KLRD1: variants seen among roughly 807,000 people sequenced by gnomAD.
KLRD1 encodes natural killer cells antigen CD94.
Under a neutral mutation model 22.6 loss-of-function variants are expected in KLRD1, and 21 were observed. The observed-to-expected ratio is 0.93, with a 90% confidence interval of 0.66 to 1.34. KLRD1 has a LOEUF of 1.34. Among genes scored for constraint, KLRD1 ranks in the 40% most tolerant of loss-of-function variants. The probability of loss-of-function intolerance (pLI) is 0.00; values close to 1 mark genes in which losing one functional copy is unlikely to be tolerated. For synonymous variants in KLRD1, 59 were observed against 71.1 expected, an observed-to-expected ratio of 0.83 and a Z score of 0.85; for missense variants, 183 against 208.6, an observed-to-expected ratio of 0.88 and a Z score of 0.76.
chr12:10,309,518 CTG>C, intron 2 of KLRD1, 38 bp downstream of exon 2: 1 of 1,311,014 alleles, frequency 7.6e-7, no homozygotes, highest in Non-Finnish European at 1.1e-6. Flanking sequence ...AAAATCAAAA[CTG>C]TGAAGACATC....
upstream of KLRD1, among the ~76,000 whole-genome samples, chr12:10,303,911 A>G (rs1021867197): frequency 6.6e-6 from 1 of 152,200 alleles, no homozygotes; most frequent in African/African-American, 2.4e-5. Context: ...AAGTAAAACA[A>G]AGGTTCCTAG....
chr12:10,300,221 G>A (rs979208220), upstream of KLRD1, among the ~76,000 whole-genome samples: 1 of 152,158 alleles, frequency 6.6e-6, no homozygotes, highest in Non-Finnish European at 1.5e-5. Context: ...AGAACCATCA[G>A]AGGAATCCCT....
At chr12:10,248,658 C>T (rs7303920) in intron 1 of KLRD1, among the ~76,000 whole-genome samples, 144,068 of 145,974 alleles carry the variant, frequency 0.99, 71,140 homozygotes, top group East Asian at 1. Flanking sequence ...AGTGCAATGG[C>T]GTGATCTCGG....
In KLRD1 at chr12:10,243,631, A is replaced by AAAAAAAAAAAAAAAAAAAAAAG. The variant is rs771543645; in HGVS notation, c.-101+17400_-101+17401insAAAAAAAAAAAAAAAAAAAGAA. Among the ~76,000 whole-genome samples the AAAAAAAAAAAAAAAAAAAAAAG allele has an allele frequency of 3.5e-4, 42 of 118,776 alleles. 10 individuals are homozygous for AAAAAAAAAAAAAAAAAAAAAAG. The highest frequency in any genetic ancestry group is 2.3e-3 in the East Asian group (7 of 3,024). 77.9% of individuals were successfully genotyped at this position (118,776 alleles called of 152,430 possible). On this transcript the variant is annotated intron_variant, in intron 1 of 5. Coordinates refer to the KLRD1 transcript ENST00000544747. ...CCAAAAAAAAAAAAAAAAAAAAAAA[A>AAAAAAAAAAAAAAAAAAAAAAG]AACCGAAATGAAAGATATGGAACAA... is the stretch of plus-strand genomic sequence containing the variant.
chr12:10,282,310 G>A (rs998544460), intron 1 of KLRD1, among the ~76,000 whole-genome samples: 2 of 150,922 alleles, frequency 1.3e-5, no homozygotes, highest in East Asian at 1.9e-4. Flanking sequence ...AGGCTGGGGT[G>A]TAATGGCATG....
intron 1 of KLRD1, among the ~76,000 whole-genome samples, chr12:10,263,116 C>T (rs186973517): frequency 6.6e-6 from 1 of 152,080 alleles, no homozygotes; most frequent in Non-Finnish European, 1.5e-5. Context: ...CTTTTTCCTA[C>T]TCAGATTGTC....
intron 1 of KLRD1, among the ~76,000 whole-genome samples, chr12:10,248,568 T>TCCTG: frequency 6.8e-6 from 1 of 147,912 alleles, no homozygotes; most frequent in Non-Finnish European, 1.5e-5. Flanking sequence ...CTTCCTTCCT[T>TCCTG]CCTTCCTTCC....
chr12:10,296,266 C>T (rs991645296), intron 1 of KLRD1, among the ~76,000 whole-genome samples: 2 of 152,110 alleles, frequency 1.3e-5, no homozygotes, highest in African/African-American at 4.8e-5. Context: ...CCTGTAATCC[C>T]AGCACTTTGG....
rs1950267446 is a variant in KLRD1 at position 10,317,995 on chromosome 12, C to T, written c.*3202C>T. The T allele has an allele frequency of 1.3e-5, 2 of 152,078 alleles. No individual in the cohort carries two copies. Among genetic ancestry groups the T allele is most frequent in the Non-Finnish European group, 2.9e-5 (2 of 68,004 alleles). The allele number at this position is 152,078 out of a possible 1,614,324, so 9.4% of individuals were successfully genotyped here. Reference sequence around the variant, plus strand: ...GAGAACAGCAAAGAGGTAACTACCCCCATGATTAAATTACCTCCTACCAGT... The same window carrying T: ...GAGAACAGCAAAGAGGTAACTACCCTCATGATTAAATTACCTCCTACCAGT... On this transcript the variant is annotated 3_prime_UTR_variant, in exon 6 of 6. Coordinates refer to ENST00000336164, the MANE Select transcript of KLRD1 (RefSeq NM_002262.5).
chr12:10,293,442 G>A (rs1949795212), intron 1 of KLRD1, among the ~76,000 whole-genome samples: 1 of 151,634 alleles, frequency 6.6e-6, no homozygotes, highest in African/African-American at 2.4e-5. Context: ...TCAGGGAATT[G>A]GGAGGCCTAA....
chr12:10,312,410 G>T (rs1409662062), intron 4 of KLRD1, among the ~76,000 whole-genome samples: 1 of 144,022 alleles, frequency 6.9e-6, no homozygotes, highest in African/African-American at 2.6e-5. Flanking sequence ...ATGGAGTCTC[G>T]CTCTGTCGCC....
At chr12:10,265,194 T>C (rs865853966) in intron 1 of KLRD1, among the ~76,000 whole-genome samples, 21 of 152,146 alleles carry the variant, frequency 1.4e-4, no homozygotes, top group Admixed American at 6.5e-4. Context: ...TATTGTTAAA[T>C]ATCTGTCATT....
chr12:10,243,892 A>G (rs1949266162), intron 1 of KLRD1, among the ~76,000 whole-genome samples: 1 of 152,192 alleles, frequency 6.6e-6, no homozygotes, highest in African/African-American at 2.4e-5. Context: ...TTTAATAAAT[A>G]TAACTAATAA....
chr12:10,242,753 A>G (rs1489338544), intron 1 of KLRD1, among the ~76,000 whole-genome samples: 1 of 152,072 alleles, frequency 6.6e-6, no homozygotes, highest in African/African-American at 2.4e-5. Context: ...GAGTGAAGTA[A>G]TATCTTATTG....
At chr12:10,256,425 GT>G (rs139328118) in intron 1 of KLRD1, among the ~76,000 whole-genome samples, 2,847 of 130,808 alleles carry the variant, frequency 0.022, 47 homozygotes, top group African/African-American at 0.078. Context: ...GTGATTAGCT[GT>G]TTTTTTTTTT....
chr12:10,296,843 CA>C (rs1949826705), intron 1 of KLRD1, among the ~76,000 whole-genome samples: 2 of 152,312 alleles, frequency 1.3e-5, no homozygotes, highest in South Asian at 4.1e-4. Flanking sequence ...GCTGTGTTTC[CA>C]ACCAGGGGTT....
chr12:10,298,706 A>G (rs1949842392), intron 1 of KLRD1, among the ~76,000 whole-genome samples: 2 of 152,260 alleles, frequency 1.3e-5, no homozygotes, highest in Admixed American at 1.3e-4. Context: ...CCTTAAGAAC[A>G]TGTTCCTGCT....
chr12:10,249,017 T>C (rs950857001), intron 1 of KLRD1, among the ~76,000 whole-genome samples: 1 of 152,192 alleles, frequency 6.6e-6, no homozygotes, highest in East Asian at 1.9e-4. Flanking sequence ...CTTGAAAATA[T>C]CAATTTTGAA....
intron 1 of KLRD1, among the ~76,000 whole-genome samples, chr12:10,239,523 CTTTCTTT>C (rs1949219110): frequency 2.2e-4 from 3 of 13,886 alleles, no homozygotes; most frequent in Admixed American, 1.9e-3. Flanking sequence ...CCTCCCCTTT[CTTTCTTT>C]CTTTCTTTCT....
Sources: allele counts gnomAD v4.1 joint callset (sites outside exome capture counted in the v4.1 genomes callset), GRCh38; gene constraint gnomAD v4.1.1; transcripts MANE v1.5; gene names NCBI Gene and HGNC (gene_info 2026-07-23, HGNC 2026-07-21).